KHDRBS2: variants seen among roughly 807,000 people sequenced by gnomAD.
KHDRBS2 encodes KH domain-containing, RNA-binding, signal transduction-associated protein 2.
In KHDRBS2, 26 loss-of-function variants were observed where a neutral mutation model predicts 44.3. The observed-to-expected ratio is 0.59, with a 90% CI of 0.43 to 0.81. The LOEUF is 0.81. Ranked by LOEUF, KHDRBS2 falls within the 40% of genes least tolerant of loss-of-function variation. The pLI, the probability that KHDRBS2 is intolerant of heterozygous loss-of-function variation, is 0.00. For missense variants in KHDRBS2, 476 were observed against 433.1 expected, an observed-to-expected ratio of 1.10 and a Z score of -0.88; for synonymous variants, 194 against 151.1, an observed-to-expected ratio of 1.28 and a Z score of -2.08.
chr6:61,661,297 C>T, the KHDRBS2 span: 1 of 151,806 alleles, frequency 6.6e-6, no homozygotes, highest in Non-Finnish European at 1.5e-5. Context: ...TTGTTAAAAA[C>T]ATTAAACCTC....
intron 1 of KHDRBS2, among the ~76,000 whole-genome samples, chr6:62,284,498 G>C (rs1415956388): frequency 1.3e-5 from 2 of 151,644 alleles, no homozygotes; most frequent in Non-Finnish European, 2.9e-5. Context: ...TGTCTTTTTT[G>C]GGAAAGTAAA....
intron 6 of KHDRBS2, among the ~76,000 whole-genome samples, chr6:61,852,450 G>C (rs983655937): frequency 3.3e-5 from 5 of 151,550 alleles, no homozygotes; most frequent in African/African-American, 7.3e-5. Flanking sequence ...TATAGTCCCA[G>C]CTACTCAGGA....
chr6:62,077,545 C>G (rs758763665), intron 2 of KHDRBS2, among the ~76,000 whole-genome samples: 23 of 152,002 alleles, frequency 1.5e-4, no homozygotes, highest in Non-Finnish European at 2.9e-4. Flanking sequence ...AACACTCAGT[C>G]CAGTAAGATA....
intron 6 of KHDRBS2, among the ~76,000 whole-genome samples, chr6:61,848,966 A>C (rs1345157621): frequency 1.3e-5 from 2 of 152,060 alleles, no homozygotes; most frequent in Non-Finnish European, 2.9e-5. Context: ...TTTGAAAGAA[A>C]GCAAAAGGAT....
intron 2 of KHDRBS2, among the ~76,000 whole-genome samples, chr6:62,056,362 C>T (rs1402578764): frequency 5.9e-5 from 9 of 151,804 alleles, no homozygotes; most frequent in Admixed American, 5.9e-4. Flanking sequence ...AAATAATATT[C>T]TACTATGAAC....
In KHDRBS2 at chr6:62,062,063, A is replaced by C. The variant is rs534989656; in HGVS notation, c.220-14069T>G. 1.4e-3 allele frequency among the ~76,000 whole-genome samples: 218 copies of C among 151,496 alleles called. 1 individual carries two copies. Among genetic ancestry groups the C allele is most frequent in the African/African-American group, 4.9e-3 (203 of 41,336 alleles). On this transcript the variant is annotated intron_variant, in intron 2 of 8. Transcript: ENST00000281156. ...TACATAATGGTAAAGGGATCAATTC[A>C]ACAAGAAGAGCTAACTATCCTAAAT... is the stretch of plus-strand genomic sequence containing the variant.
chr6:61,563,494 G>A, the KHDRBS2 span, among the ~76,000 whole-genome samples: 1 of 151,960 alleles, frequency 6.6e-6, no homozygotes, highest in South Asian at 2.1e-4. Flanking sequence ...CCTAATCTTG[G>A]GTTGAATTTT....
At chr6:62,255,593 C>G (rs182009170) in intron 1 of KHDRBS2, among the ~76,000 whole-genome samples, 9 of 142,742 alleles carry the variant, frequency 6.3e-5, no homozygotes, top group African/African-American at 2.4e-4. Context: ...ACCCTCATTC[C>G]TCATGCTTTA....
chr6:61,623,858 A>C, the KHDRBS2 span, among the ~76,000 whole-genome samples: 9 of 152,204 alleles, frequency 5.9e-5, no homozygotes, highest in Non-Finnish European at 1.3e-4. Flanking sequence ...TAGTGGTTGC[A>C]TTACAGTCAC....
chr6:61,944,661 T>C (rs1812829975), intron 4 of KHDRBS2, among the ~76,000 whole-genome samples: 1 of 152,102 alleles, frequency 6.6e-6, no homozygotes, highest in South Asian at 2.1e-4. Flanking sequence ...GGACTTGAAA[T>C]GTTGCCAACA....
chr6:62,130,424 T>C (rs1810016869), intron 2 of KHDRBS2, among the ~76,000 whole-genome samples: 5 of 152,196 alleles, frequency 3.3e-5, no homozygotes, highest in Non-Finnish European at 5.9e-5. Flanking sequence ...AAATTCTTGA[T>C]TCATTAGTTT....
At chr6:62,265,084 C>T (rs1838971804) in intron 1 of KHDRBS2, among the ~76,000 whole-genome samples, 1 of 151,884 alleles carries the variant, frequency 6.6e-6, no homozygotes, top group African/African-American at 2.4e-5. Context: ...ATTAAGTGAG[C>T]TTGGGCTCAC....
At chr6:62,064,132 T>G (rs201606437) in intron 2 of KHDRBS2, among the ~76,000 whole-genome samples, 1,400 of 39,146 alleles carry the variant, frequency 0.036, 12 homozygotes, top group Non-Finnish European at 0.046. Flanking sequence ...AATAAAAGAG[T>G]ATACAAACAA....
chr6:61,614,341 A>G, the KHDRBS2 span, among the ~76,000 whole-genome samples: 21 of 152,196 alleles, frequency 1.4e-4, no homozygotes, highest in Admixed American at 2.6e-4. Context: ...TTCACCTGCC[A>G]TGATGATTAT....
chr6:61,877,475 C>A (rs1248322855), intron 6 of KHDRBS2, among the ~76,000 whole-genome samples: 1 of 151,244 alleles, frequency 6.6e-6, no homozygotes, highest in East Asian at 1.9e-4. Context: ...TTCCCTCTCC[C>A]TTTCCCACAT....
At chr6:61,625,554 G>A in the KHDRBS2 span, among the ~76,000 whole-genome samples, 2 of 152,016 alleles carry the variant, frequency 1.3e-5, no homozygotes, top group African/African-American at 4.8e-5. Flanking sequence ...CCTGAGGACA[G>A]CAGAGCGACT....
chr6:62,089,268 CAAAAAA>C (rs34948262), intron 2 of KHDRBS2, among the ~76,000 whole-genome samples: 1 of 111,960 alleles, frequency 8.9e-6, no homozygotes, highest in Admixed American at 9.6e-5. Context: ...CACTGGGTTA[CAAAAAA>C]AAAAAAAAAA....
At chr6:61,943,892 A>G (rs535376282) in intron 4 of KHDRBS2, among the ~76,000 whole-genome samples, 42 of 152,298 alleles carry the variant, frequency 2.8e-4, no homozygotes, top group African/African-American at 9.1e-4. Context: ...GACGACAAAG[A>G]GGTATATAAA....
At chr6:62,077,756 A>G (rs528622757) in intron 2 of KHDRBS2, among the ~76,000 whole-genome samples, 63 of 152,152 alleles carry the variant, frequency 4.1e-4, no homozygotes, top group Middle Eastern at 3.4e-3. Flanking sequence ...GACAACCTTG[A>G]CACCTGTCAG....
Sources: allele counts gnomAD v4.1 joint callset (sites outside exome capture counted in the v4.1 genomes callset), GRCh38; gene constraint gnomAD v4.1.1; transcripts MANE v1.5; gene names NCBI Gene and HGNC (gene_info 2026-07-23, HGNC 2026-07-21).